TG: variants seen among roughly 807,000 people sequenced by gnomAD.
The protein encoded by TG is thyroglobulin.
TG carries 270 observed loss-of-function variants against 324.7 expected under a neutral mutation model. The observed-to-expected ratio is 0.83, with a 90% CI of 0.75 to 0.92. TG has a LOEUF of 0.92. TG is among the 40% of genes least tolerant of loss of function. The probability of loss-of-function intolerance (pLI) is 0.00; values close to 1 mark genes in which losing one functional copy is unlikely to be tolerated. For synonymous variants in TG, 1,401 were observed against 1,327.0 expected (o/e 1.06, Z -1.21); for missense variants, 3,591 against 3,456.4 (o/e 1.04, Z -0.98).
chr8:133,115,277 C>T lies in TG; in HGVS notation c.7755-1332C>T, dbSNP rs142038274. The stretch of plus-strand genomic sequence containing the variant: ...CTCAACCTTAGCTCAGGCCTTCCTT[C>T]TCTCTGGCACAGACTCAGGACCTGG... On this transcript the variant is annotated intron_variant, in intron 44 of 47. Coordinates refer to ENST00000220616, the MANE Select transcript of TG (RefSeq NM_003235.5). 5.1e-3 allele frequency among the ~76,000 whole-genome samples: 777 copies of T among 152,318 alleles called. 5 individuals are homozygous for T. Among genetic ancestry groups the T allele is most frequent in the Non-Finnish European group, 9.0e-3 (610 of 68,022 alleles).
At chr8:133,050,441 A>ATT (rs1246263042) in intron 41 of TG, 1 of 243,810 alleles carries the variant, frequency 4.1e-6, no homozygotes, top group East Asian at 9.1e-5. Context: ...GAGAAGGCAA[A>ATT]TTTTTGTTTT....
chr8:133,061,022 GT>G (rs1264903054), intron 41 of TG, among the ~76,000 whole-genome samples: 1 of 152,118 alleles, frequency 6.6e-6, no homozygotes. Context: ...TTCTGTTTTT[GT>G]TTTTTTGAGA....
chr8:133,012,900 TTTAAG>T (rs1460169350), intron 36 of TG, among the ~76,000 whole-genome samples: 2 of 152,214 alleles, frequency 1.3e-5, no homozygotes, highest in Non-Finnish European at 2.9e-5. Context: ...TGTCATATAA[TTTAAG>T]TTGTCTAGTG....
intron 41 of TG, among the ~76,000 whole-genome samples, chr8:133,092,505 C>T (rs984541513): frequency 4.6e-5 from 7 of 152,274 alleles, no homozygotes; most frequent in East Asian, 3.9e-4. Flanking sequence ...TGTGGGGTCC[C>T]GTGAATGTCA....
intron 43 of TG, chr8:133,102,915 G>C (rs368912060): frequency 3.3e-6 from 1 of 300,870 alleles, no homozygotes; most frequent in Non-Finnish European, 6.5e-6. Flanking sequence ...GTAGCAGTAG[G>C]GGGAGGGCAG....
rs115793379 is a variant in TG at position 132,873,092 on chromosome 8, G to C, written c.509G>C (p.Arg170Pro). 9 of 1,614,112 alleles carry C rather than the reference G, an allele frequency of 5.6e-6. No individual in the cohort carries two copies. Among genetic ancestry groups the C allele is most frequent in the Middle Eastern group, 1.6e-4 (1 of 6,062 alleles). Residue 170 changes from arginine (R) to proline (P), a missense_variant, in exon 5 of 48, where the codon CGT (arginine) becomes CCT (proline). Coordinates refer to ENST00000220616, the MANE Select transcript of TG (RefSeq NM_003235.5). ...AGGAGCTGTGAAATAAGAAATCGTC[G>C]TCTTCTCCACGGGGTGGGAGATAAG... ...CPRSCEIRNR[R>P]LLHGVGDKSP...
intron 35 of TG, chr8:132,994,798 T>G: frequency 7.8e-7 from 1 of 1,286,744 alleles, no homozygotes; most frequent in Non-Finnish European, 1.0e-6. Flanking sequence ...CCTGGTGTCA[T>G]GGGAAGGTGA....
chr8:132,901,585 G>T lies in TG; in HGVS notation c.3634+32G>T, dbSNP rs746473897. 50 of 1,601,314 alleles carry T rather than the reference G, an allele frequency of 3.1e-5. 1 individual carries two copies. In the East Asian group the frequency reaches 9.8e-4, roughly 31 times the overall value. ...CATGACCCCCTGGGGGGACGACGAG[G>T]CCTGCATATCTGTTCTTTGATCCAG... On this transcript the variant is annotated intron_variant, in intron 16 of 47. Coordinates refer to ENST00000220616, the MANE Select transcript of TG (RefSeq NM_003235.5).
intron 26 of TG, among the ~76,000 whole-genome samples, chr8:132,945,223 AG>A (rs1825071439): frequency 6.6e-6 from 1 of 152,176 alleles, no homozygotes; most frequent in Non-Finnish European, 1.5e-5. Context: ...GCAGTAGTCC[AG>A]GGTAGAAGGT....
At chr8:132,877,676 C>T (rs1814025653) in intron 5 of TG, among the ~76,000 whole-genome samples, 1 of 152,208 alleles carries the variant, frequency 6.6e-6, no homozygotes, top group South Asian at 2.1e-4. Flanking sequence ...TGGCTGTAAT[C>T]TGAGCATAAA....
chr8:133,038,963 T>A (rs546708671), intron 41 of TG, among the ~76,000 whole-genome samples: 1 of 152,220 alleles, frequency 6.6e-6, no homozygotes, highest in Admixed American at 6.5e-5. Flanking sequence ...CTGCAACCTC[T>A]GCCTCCCAGG....
intron 41 of TG, among the ~76,000 whole-genome samples, chr8:133,031,273 C>G (rs1209025926): frequency 6.6e-6 from 1 of 152,212 alleles, no homozygotes; most frequent in East Asian, 1.9e-4. Context: ...TAAGGTCCAT[C>G]CATGTTGTAG....
chr8:132,932,747 TC>T (rs1406026197), intron 23 of TG, among the ~76,000 whole-genome samples: 2 of 152,182 alleles, frequency 1.3e-5, no homozygotes, highest in East Asian at 3.9e-4. Context: ...CCTCCTGTCA[TC>T]TTGAGAGGGC....
chr8:133,055,363 G>GCA (rs1219639810), intron 41 of TG, among the ~76,000 whole-genome samples: 3,103 of 31,792 alleles, frequency 0.098, 41 homozygotes, highest in Non-Finnish European at 0.11. Context: ...ACACGCACGC[G>GCA]CGCACACACA....
chr8:133,125,511 C>T (rs1338888563), intron 45 of TG, among the ~76,000 whole-genome samples: 1 of 152,244 alleles, frequency 6.6e-6, no homozygotes, highest in Non-Finnish European at 1.5e-5. Flanking sequence ...TGGAGCATTA[C>T]TAATGCTGCT....
chr8:133,049,585 C>A (rs1840045143), intron 41 of TG: 1 of 347,456 alleles, frequency 2.9e-6, no homozygotes, highest in African/African-American at 2.1e-5. Context: ...GACACACTGA[C>A]TTCTAGTCTC....
intron 41 of TG, among the ~76,000 whole-genome samples, chr8:133,062,030 C>G (rs867376116): frequency 6.6e-6 from 1 of 152,214 alleles, no homozygotes; most frequent in Non-Finnish European, 1.5e-5. Flanking sequence ...AAGACAATGA[C>G]CAGGCTCGCA....
chr8:132,992,525 G>A (rs1832466129), intron 35 of TG, among the ~76,000 whole-genome samples: 1 of 152,214 alleles, frequency 6.6e-6, no homozygotes, highest in Non-Finnish European at 1.5e-5. Context: ...TCCTGGGTTG[G>A]TGCTGGAGAG....
chr8:133,109,482 G>A (rs537289161), intron 43 of TG, among the ~76,000 whole-genome samples: 1 of 152,312 alleles, frequency 6.6e-6, no homozygotes, highest in East Asian at 1.9e-4. Flanking sequence ...CTCCTCACGT[G>A]GCCTGGGCAT....
Sources: allele counts gnomAD v4.1 joint callset (sites outside exome capture counted in the v4.1 genomes callset), GRCh38; gene constraint gnomAD v4.1.1; transcripts MANE v1.5; gene names NCBI Gene and HGNC (gene_info 2026-07-23, HGNC 2026-07-21).